The following PRKAR1A variants were observed in gnomAD, a reference collection of about 807,000 sequenced individuals.
PRKAR1A encodes the protein cAMP-dependent protein kinase type I-alpha regulatory subunit.
A neutral mutation model predicts 52.0 loss-of-function variants in PRKAR1A; 3 were observed. The observed-to-expected ratio is 0.06, with a 90% CI of 0.03 to 0.15. The LOEUF (loss-of-function observed/expected upper bound fraction) is 0.15. Among genes scored for constraint, PRKAR1A ranks in the 10% least tolerant of loss-of-function variants. The pLI is 1.00. For missense variants in PRKAR1A, 240 were observed against 477.4 expected, an observed-to-expected ratio of 0.50 and a Z score of 4.63; for synonymous variants, 188 against 168.4, an observed-to-expected ratio of 1.12 and a Z score of -0.90.
chr17:68,508,417 A>T (rs1354271206), upstream of PRKAR1A, among the ~76,000 whole-genome samples: 2 of 152,238 alleles, frequency 1.3e-5, no homozygotes, highest in Admixed American at 6.5e-5. Flanking sequence ...TCTCCTACGC[A>T]TATTAACACA....
rs370316132 is a variant in PRKAR1A at position 68,545,676 on chromosome 17, A to G, written c.974-5408A>G. Among the ~76,000 whole-genome samples the G allele has an allele frequency of 3.3e-5, 5 of 152,320 alleles. 1 individual carries two copies. In the South Asian group the frequency reaches 1.0e-3, roughly 32 times the overall value. On this transcript the variant is annotated intron_variant, in intron 11 of 11. Coordinates refer to the PRKAR1A transcript ENST00000585981. The stretch of plus-strand genomic sequence containing the variant: ...ACAAAAGATGTATCTGTAGCACGCA[A>G]TGCTGTTTGATAGCATTTTACCCAA...
In PRKAR1A at chr17:68,532,078, G is replaced by A. The variant is rs1390668983; in HGVS notation, c.*1629G>A. 8.5e-6 allele frequency: 9 copies of A among 1,065,046 alleles called. No individual in the cohort carries two copies. Among genetic ancestry groups the A allele is most frequent in the Non-Finnish European group, 1.0e-5 (9 of 879,026 alleles). 66.0% of individuals were successfully genotyped at this position (1,065,046 alleles called of 1,614,324 possible). A position where few individuals can be genotyped will look rare whatever the true frequency, so the allele number is the denominator to read the frequency against. ...GTATGAAGTATAAATCTGGGGAAGAGGTTTTATTTACATTTTAGGGTGGGT... is the reference window on the plus strand; with the variant it reads ...GTATGAAGTATAAATCTGGGGAAGAAGTTTTATTTACATTTTAGGGTGGGT... On this transcript the variant is annotated 3_prime_UTR_variant, in exon 11 of 11. Coordinates refer to ENST00000589228, the MANE Select transcript of PRKAR1A (RefSeq NM_002734.5).
chr17:68,433,579 C>T, the PRKAR1A span: 5 of 1,612,280 alleles, frequency 3.1e-6, no homozygotes, highest in East Asian at 2.2e-5. Flanking sequence ...CACATACCTA[C>T]AAGCACAGCA....
chr17:68,436,330 A>G, the PRKAR1A span: 1 of 1,551,218 alleles, frequency 6.4e-7, no homozygotes, highest in Non-Finnish European at 8.9e-7. Context: ...TCCTTCCATG[A>G]CCACACAGCC....
In PRKAR1A at chr17:68,547,995, G is replaced by A. The variant is rs574307898; in HGVS notation, c.974-3089G>A. 4.0e-5 allele frequency among the ~76,000 whole-genome samples: 6 copies of A among 149,612 alleles called. No individual in the cohort carries two copies. The South Asian group carries it at 1.3e-3, about 32-fold the overall frequency. On this transcript the variant is annotated intron_variant, in intron 11 of 11. Coordinates refer to the PRKAR1A transcript ENST00000585981. Reference sequence around the variant, plus strand: ...TTCATGTGAACACTTAGAGGCCCTTGTTGGGTTACTAACTGGCCTCATTTC... The same window carrying A: ...TTCATGTGAACACTTAGAGGCCCTTATTGGGTTACTAACTGGCCTCATTTC...
At chr17:68,539,804 G>T in intron 11 of PRKAR1A, 3 of 1,364,634 alleles carry the variant, frequency 2.2e-6, no homozygotes, top group Non-Finnish European at 3.1e-6. Flanking sequence ...TTTGCAGGGC[G>T]TCTGTTTCCC....
the PRKAR1A span, chr17:68,444,521 G>T: frequency 6.2e-7 from 1 of 1,613,744 alleles, no homozygotes; most frequent in Non-Finnish European, 8.5e-7. Flanking sequence ...TATCCAGGAG[G>T]GTCTTCAACA....
the PRKAR1A span, among the ~76,000 whole-genome samples, chr17:68,479,296 G>C: frequency 0.22 from 33,396 of 151,914 alleles, 3,847 homozygotes; most frequent in South Asian, 0.25. Context: ...GGATTGAATT[G>C]CTGTTCCATT....
the PRKAR1A span, among the ~76,000 whole-genome samples, chr17:68,486,451 CTCTT>C: frequency 0.053 from 6,102 of 115,338 alleles, 145 homozygotes; most frequent in Middle Eastern, 0.074. Flanking sequence ...CCTTCCTTCC[CTCTT>C]TCTTTCTTTC....
chr17:68,537,690 GTAGTCAGC>G (rs1223029738), downstream of PRKAR1A: 1 of 1,613,518 alleles, frequency 6.2e-7, no homozygotes, highest in Non-Finnish European at 8.5e-7. This position sits in a 1 kb window ranked among gnomAD's most constrained non-coding sequence, Gnocchi z 4.2. Context: ...CGCTGAGTCT[GTAGTCAGC>G]TTGGGCCAGC....
At chr17:68,486,525 CTTT>C in the PRKAR1A span, among the ~76,000 whole-genome samples, 14 of 111,598 alleles carry the variant, frequency 1.3e-4, no homozygotes, top group Non-Finnish European at 2.1e-4. Flanking sequence ...TTCTTTCTTT[CTTT>C]CTTTCTTTCT....
At chr17:68,451,289 C>G in the PRKAR1A span, among the ~76,000 whole-genome samples, 1 of 152,158 alleles carries the variant, frequency 6.6e-6, no homozygotes, top group African/African-American at 2.4e-5. Flanking sequence ...TAAAAATTAG[C>G]CAGGTATGGT....
chr17:68,454,737 C>T, the PRKAR1A span, among the ~76,000 whole-genome samples: 24 of 152,052 alleles, frequency 1.6e-4, no homozygotes, highest in South Asian at 4.2e-4. Flanking sequence ...TGTTTGGCTG[C>T]GAAATGAGGT....
chr17:68,444,172 G>A, the PRKAR1A span, among the ~76,000 whole-genome samples: 4 of 152,128 alleles, frequency 2.6e-5, no homozygotes, highest in Non-Finnish European at 5.9e-5. Flanking sequence ...AACAATTAGG[G>A]GTAAACACTT....
At chr17:68,529,796 T>G (rs1310486468) in intron 9 of PRKAR1A, 124 bp from the exon 10 acceptor site, 1 of 962,876 alleles carries the variant, frequency 1.0e-6, no homozygotes, top group Non-Finnish European at 1.7e-6. Context: ...GGTGACTAAC[T>G]TTAAAGTCAT....
At chr17:68,506,881 C>T (rs747894115), upstream of PRKAR1A, among the ~76,000 whole-genome samples, 2 of 152,150 alleles carry the variant, frequency 1.3e-5, no homozygotes, top group Non-Finnish European at 2.9e-5. Context: ...GATCAGGAAT[C>T]ATTTTATAAG....
At chr17:68,426,300 C>A in the PRKAR1A span, 1 of 742,676 alleles carries the variant, frequency 1.3e-6, no homozygotes, top group Non-Finnish European at 2.3e-6. Flanking sequence ...TGTCTTCCCC[C>A]TGGAGGTACT....
intron 7 of PRKAR1A, among the ~76,000 whole-genome samples, chr17:68,527,213 T>A (rs1252404467): frequency 6.6e-6 from 1 of 152,174 alleles, no homozygotes. Flanking sequence ...TGGACAGGAA[T>A]TAGGAACTGT....
chr17:68,471,312 A>G, the PRKAR1A span, among the ~76,000 whole-genome samples: 2 of 152,228 alleles, frequency 1.3e-5, no homozygotes, highest in African/African-American at 4.8e-5. Flanking sequence ...GTTCTACAGT[A>G]TGCTGTCATT....
Sources: gnomAD v4.1 joint callset for allele counts (sites outside exome capture counted in the v4.1 genomes callset) on GRCh38, gnomAD v4.1.1 for gene constraint, Gnocchi (gnomAD v3.1) non-coding constraint, MANE v1.5 for transcripts, NCBI Gene and HGNC (gene_info 2026-07-23, HGNC 2026-07-21) for gene names.